The following RAB3C variants were observed in gnomAD, a reference collection of about 807,000 sequenced individuals.
The protein encoded by RAB3C is ras-related protein Rab-3C.
Under a neutral mutation model 26.4 loss-of-function variants are expected in RAB3C, and 17 were observed. That is an observed-to-expected ratio of 0.64 (90% CI 0.44 to 0.97). The LOEUF is 0.97. RAB3C is among the 50% of genes least tolerant of loss of function. RAB3C has a pLI of 0.00. For missense variants in RAB3C, 242 were observed against 281.9 expected (o/e 0.86, Z 1.01); for synonymous variants, 91 against 95.9 (o/e 0.95, Z 0.30).
chr5:58,776,477 G>A (rs1049030597), intron 3 of RAB3C, among the ~76,000 whole-genome samples: 1 of 152,002 alleles, frequency 6.6e-6, no homozygotes, highest in African/African-American at 2.4e-5. Context: ...GCTAGTCTTA[G>A]CCTGTTTGTT....
chr5:58,713,152 A>G (rs1027294698), intron 2 of RAB3C, among the ~76,000 whole-genome samples: 3 of 152,172 alleles, frequency 2.0e-5, no homozygotes, highest in Non-Finnish European at 4.4e-5. Flanking sequence ...GTGGTGGTAC[A>G]GATGGTGATG....
intron 2 of RAB3C, among the ~76,000 whole-genome samples, chr5:58,707,980 T>G (rs1249462605): frequency 2.8e-5 from 4 of 141,214 alleles, no homozygotes; most frequent in Non-Finnish European, 6.2e-5. Context: ...ATCCCTTATC[T>G]TTCTTTCCTT....
chr5:58,776,543 A>G (rs2111994802), intron 3 of RAB3C, among the ~76,000 whole-genome samples: 1 of 152,126 alleles, frequency 6.6e-6, no homozygotes, highest in South Asian at 2.1e-4. Flanking sequence ...CCCCTGTTTT[A>G]CCTCAAATTC....
intron 4 of RAB3C, among the ~76,000 whole-genome samples, chr5:58,834,670 C>A (rs1288987677): frequency 1.3e-5 from 2 of 152,230 alleles, no homozygotes; most frequent in African/African-American, 2.4e-5. Context: ...AGGAGAAGCA[C>A]TGCCACCCTA....
intron 3 of RAB3C, among the ~76,000 whole-genome samples, chr5:58,810,385 CTG>C (rs70973156): frequency 0.011 from 1,627 of 146,814 alleles, 20 homozygotes; most frequent in African/African-American, 0.028. Flanking sequence ...CTCTCTCTCT[CTG>C]TGTGTGTGTG....
At chr5:58,847,434 T>A (rs1333938777) in intron 4 of RAB3C, among the ~76,000 whole-genome samples, 1 of 152,182 alleles carries the variant, frequency 6.6e-6, no homozygotes, top group Non-Finnish European at 1.5e-5. Context: ...GACGTTGGTG[T>A]GTACGAATGG....
chr5:58,820,098 C>T (rs1743306479), intron 3 of RAB3C, among the ~76,000 whole-genome samples: 1 of 151,408 alleles, frequency 6.6e-6, no homozygotes, highest in Non-Finnish European at 1.5e-5. Flanking sequence ...GAGTAATGAC[C>T]ATCATTTTAC....
intron 1 of RAB3C, among the ~76,000 whole-genome samples, chr5:58,595,125 C>T (rs768439828): frequency 6.6e-6 from 1 of 152,064 alleles, no homozygotes; most frequent in Non-Finnish European, 1.5e-5. Flanking sequence ...AAAGTCAAGG[C>T]CTTCTTCCAC....
chr5:58,855,108 CA>C lies in RAB3C; in HGVS notation c.*3759del, dbSNP rs1337267409. The stretch of plus-strand genomic sequence containing the variant: ...GTGGTTCATTGTGATGTGCTTTATC[CA>C]ACATGTATCTTAGTGCATGGTTGAG... On this transcript the variant is annotated 3_prime_UTR_variant, in exon 5 of 5. Coordinates refer to ENST00000282878, the MANE Select transcript of RAB3C (RefSeq NM_138453.4). 6.6e-6 allele frequency: 1 copy of C among 152,048 alleles called. No individual in the cohort carries two copies. Among genetic ancestry groups the C allele is most frequent in the Non-Finnish European group, 1.5e-5 (1 of 68,022 alleles). 9.4% of individuals were successfully genotyped at this position (152,048 alleles called of 1,614,324 possible). A position where few individuals can be genotyped will look rare whatever the true frequency, so the allele number is the denominator to read the frequency against.
At chr5:58,681,060 A>G (rs546604535) in intron 2 of RAB3C, among the ~76,000 whole-genome samples, 1 of 152,190 alleles carries the variant, frequency 6.6e-6, no homozygotes, top group South Asian at 2.1e-4. Flanking sequence ...CCATCAATAG[A>G]GAACTGATTA....
intron 2 of RAB3C, among the ~76,000 whole-genome samples, chr5:58,650,564 G>A (rs1056254660): frequency 1.3e-5 from 2 of 152,112 alleles, no homozygotes; most frequent in Non-Finnish European, 2.9e-5. Context: ...ATTGGCATAC[G>A]TGTGCTAAAC....
intron 2 of RAB3C, among the ~76,000 whole-genome samples, chr5:58,646,665 G>A (rs1747527540): frequency 6.6e-6 from 1 of 152,048 alleles, no homozygotes; most frequent in Non-Finnish European, 1.5e-5. Flanking sequence ...AGTGAAAATA[G>A]AGGCATTGAA....
In RAB3C at chr5:58,639,134, G is replaced by T. The variant is rs116949268; in HGVS notation, c.252+21264G>T. ...TCCCTCTTTCGAATGGACAATTCTGGAAAGCTTTCTGTATGCTTTTCAGAT... is the reference window on the plus strand; with the variant it reads ...TCCCTCTTTCGAATGGACAATTCTGTAAAGCTTTCTGTATGCTTTTCAGAT... On this transcript the variant is annotated intron_variant, in intron 2 of 4. Transcript: ENST00000282878. 8.5e-5 allele frequency among the ~76,000 whole-genome samples: 13 copies of T among 152,306 alleles called. No homozygotes were observed. In the East Asian group the frequency reaches 2.3e-3, roughly 27 times the overall value.
chr5:58,811,347 G>A (rs1052388973), intron 3 of RAB3C, among the ~76,000 whole-genome samples: 1 of 139,916 alleles, frequency 7.1e-6, no homozygotes, highest in Non-Finnish European at 1.7e-5. Flanking sequence ...GATTTTGCGT[G>A]TGTGTGTATG....
Position 58,726,118 on chromosome 5 carries a change from T to C in RAB3C, c.369T>C (p.Asp123=). Residue 123 remains aspartate, a splice_region_variant and synonymous_variant, in exon 3 of 5, where the codon GAT becomes GAC. Coordinates refer to ENST00000282878, the MANE Select transcript of RAB3C (RefSeq NM_138453.4). ...AAGAATCCTTCAATGCAGTACAAGA[T>C]TGGTAAGTCAGAGCAAATACTCTTA... is the stretch of plus-strand genomic sequence containing the variant. The part of the protein sequence containing the change: ...TNEESFNAVQ[D]WSTQIKTYSW... 1 of 1,505,636 alleles carries C rather than the reference T, an allele frequency of 6.6e-7. No homozygotes were observed. Among genetic ancestry groups the C allele is most frequent in the East Asian group, 2.3e-5 (1 of 44,026 alleles). 93.3% of individuals were successfully genotyped at this position (1,505,636 alleles called of 1,614,324 possible). A position where few individuals can be genotyped will look rare whatever the true frequency, so the allele number is the denominator to read the frequency against.
chr5:58,842,555 AC>A (rs1482220832), intron 4 of RAB3C, among the ~76,000 whole-genome samples: 3 of 152,052 alleles, frequency 2.0e-5, no homozygotes, highest in Non-Finnish European at 4.4e-5. Context: ...TCTCTATTTT[AC>A]CCTTAACTTT....
intron 3 of RAB3C, among the ~76,000 whole-genome samples, chr5:58,805,800 T>G (rs188491924): frequency 6.6e-6 from 1 of 151,966 alleles, no homozygotes; most frequent in Non-Finnish European, 1.5e-5. Context: ...GAGGTATAAG[T>G]GGTGTGCTAC....
intron 4 of RAB3C, among the ~76,000 whole-genome samples, chr5:58,848,139 A>G (rs1215259956): frequency 6.6e-6 from 1 of 152,204 alleles, no homozygotes; most frequent in Non-Finnish European, 1.5e-5. Context: ...TACAGGCATG[A>G]GCCACCACAC....
At chr5:58,629,462 G>A (rs1747142972) in intron 2 of RAB3C, among the ~76,000 whole-genome samples, 1 of 152,182 alleles carries the variant, frequency 6.6e-6, no homozygotes, top group Non-Finnish European at 1.5e-5. Context: ...GGAGCCAAGA[G>A]TTTTTAAGCT....
Sources: gnomAD v4.1 joint callset for allele counts (sites outside exome capture counted in the v4.1 genomes callset) on GRCh38, gnomAD v4.1.1 for gene constraint, MANE v1.5 for transcripts, NCBI Gene and HGNC (gene_info 2026-07-23, HGNC 2026-07-21) for gene names.